The following ZSWIM6 variants were observed in gnomAD, a reference collection of about 807,000 sequenced individuals.
The protein encoded by ZSWIM6 is zinc finger SWIM domain-containing protein 6.
A neutral mutation model predicts 113.2 loss-of-function variants in ZSWIM6; 9 were observed. That is an observed-to-expected ratio of 0.08 (90% confidence interval 0.05 to 0.14). The LOEUF is 0.14. ZSWIM6 is among the 10% of genes least tolerant of loss of function. The pLI, the probability that ZSWIM6 is intolerant of heterozygous loss-of-function variation, is 1.00. For synonymous variants in ZSWIM6, 611 were observed against 606.5 expected, an observed-to-expected ratio of 1.01 and a Z score of -0.11; for missense variants, 1,162 against 1,552.2, an observed-to-expected ratio of 0.75 and a Z score of 4.22.
At chr5:61,542,580 T>G (rs1292995001) in intron 13 of ZSWIM6, among the ~76,000 whole-genome samples, 1 of 152,204 alleles carries the variant, frequency 6.6e-6, no homozygotes, top group Non-Finnish European at 1.5e-5. Flanking sequence ...GGATACATAC[T>G]TCATGCTGAG....
rs1224797431 is a variant in ZSWIM6 at position 61,544,739 on chromosome 5, C to G, written c.*422C>G. 2 of 152,316 alleles carry G rather than the reference C, an allele frequency of 1.3e-5. No homozygotes were observed. The highest frequency in any genetic ancestry group is 4.8e-5 in the African/African-American group (2 of 41,392). 9.4% of individuals were successfully genotyped at this position (152,316 alleles called of 1,614,324 possible). ...TGATAAGTACCTCGAATGGATTCAGCTTTACTCCTTTGTAACTCATCTTTA... is the reference window on the plus strand; with the variant it reads ...TGATAAGTACCTCGAATGGATTCAGGTTTACTCCTTTGTAACTCATCTTTA... On this transcript the variant is annotated 3_prime_UTR_variant, in exon 14 of 14. Transcript: ENST00000252744.
chr5:61,379,066 A>G (rs1290689484), intron 1 of ZSWIM6, among the ~76,000 whole-genome samples: 1 of 151,508 alleles, frequency 6.6e-6, no homozygotes, highest in African/African-American at 2.4e-5. Context: ...CTATAATCCT[A>G]GCTACTCAGG....
intron 9 of ZSWIM6, among the ~76,000 whole-genome samples, chr5:61,534,124 C>G (rs1355536530): frequency 2.0e-5 from 3 of 152,082 alleles, no homozygotes; most frequent in African/African-American, 7.2e-5. Flanking sequence ...CATATTTAGC[C>G]TGTAACAGTT....
intron 1 of ZSWIM6, among the ~76,000 whole-genome samples, chr5:61,427,474 C>T (rs907086472): frequency 3.3e-5 from 5 of 152,112 alleles, no homozygotes; most frequent in Admixed American, 6.5e-5. Flanking sequence ...GAACTTTTCT[C>T]CCCCAGATAT....
intron 1 of ZSWIM6, among the ~76,000 whole-genome samples, chr5:61,384,674 C>T (rs1745558026): frequency 6.6e-6 from 1 of 152,124 alleles, no homozygotes; most frequent in South Asian, 2.1e-4. Context: ...ACTTTTGTGT[C>T]CCCCAAACTG....
chr5:61,534,882 G>T (rs1005408371), intron 9 of ZSWIM6, among the ~76,000 whole-genome samples: 3 of 152,070 alleles, frequency 2.0e-5, no homozygotes, highest in African/African-American at 7.2e-5. Flanking sequence ...CCTATGATGC[G>T]TATGAAATGG....
At chr5:61,462,191 A>G (rs1747335572) in intron 1 of ZSWIM6, among the ~76,000 whole-genome samples, 1 of 152,202 alleles carries the variant, frequency 6.6e-6, no homozygotes, top group Non-Finnish European at 1.5e-5. Flanking sequence ...CAAAACAAGA[A>G]TTACTAGTCT....
chr5:61,378,264 A>G (rs1365373934), intron 1 of ZSWIM6, among the ~76,000 whole-genome samples: 1 of 152,232 alleles, frequency 6.6e-6, no homozygotes, highest in Admixed American at 6.5e-5. Flanking sequence ...AAGACTGGTT[A>G]AATAAAAATT....
rs1202796073 is a variant in ZSWIM6 at position 61,472,333 on chromosome 5, G to C, written c.677-348G>C. 6.6e-6 allele frequency among the ~76,000 whole-genome samples: 1 copy of C among 152,136 alleles called. No homozygotes were observed. Among genetic ancestry groups the C allele is most frequent in the Non-Finnish European group, 1.5e-5 (1 of 68,034 alleles). On this transcript the variant is annotated intron_variant, in intron 1 of 13. Coordinates refer to ENST00000252744, the MANE Select transcript of ZSWIM6 (RefSeq NM_020928.2). The surrounding 1 kb of genome is among the most constrained non-coding windows in gnomAD (Gnocchi z 4.1). ...AACCACTGATCCCACTGATCTAGGG[G>C]ATTATTGTGTTGTATACCACTGATT...
intron 1 of ZSWIM6, among the ~76,000 whole-genome samples, chr5:61,344,539 G>T (rs1188551496): frequency 1.3e-5 from 2 of 152,104 alleles, no homozygotes; most frequent in African/African-American, 2.4e-5. Flanking sequence ...CTTGGGGATG[G>T]GGTGAGGGAA....
At position 61,332,767 on chromosome 5, in the gene ZSWIM6, CGCAACCTCG is replaced by C. The variant is rs1205042180; in HGVS notation, c.498_506del (p.Thr167_Ala169del). 9.3e-4 allele frequency: 689 copies of C among 740,554 alleles called. 9 individuals carry two copies. In the South Asian group the frequency reaches 0.014, roughly 15 times the overall value. 45.9% of individuals were successfully genotyped at this position (740,554 alleles called of 1,614,324 possible). A position where few individuals can be genotyped will look rare whatever the true frequency, so the allele number is the denominator to read the frequency against. ...CTTCCCCGGCCGCAACCTCGGCGGC[CGCAACCTCG>C]GCCGCCGCCGCCGCTGCCGCCGCCG... On this transcript the variant is annotated inframe_deletion, in exon 1 of 14. Coordinates refer to ENST00000252744, the MANE Select transcript of ZSWIM6 (RefSeq NM_020928.2).
intron 1 of ZSWIM6, among the ~76,000 whole-genome samples, chr5:61,395,248 C>G (rs1745813734): frequency 6.6e-6 from 1 of 152,078 alleles, no homozygotes; most frequent in Admixed American, 6.6e-5. Flanking sequence ...GACAACTTAT[C>G]TAGGTGGTCC....
At chr5:61,507,999 G>A (rs1372456745) in intron 4 of ZSWIM6, among the ~76,000 whole-genome samples, 1 of 152,078 alleles carries the variant, frequency 6.6e-6, no homozygotes, top group East Asian at 1.9e-4. Context: ...TGGTTTTAGG[G>A]GAACATGAAT....
chr5:61,458,227 T>G (rs1424052246), intron 1 of ZSWIM6, among the ~76,000 whole-genome samples: 3 of 152,122 alleles, frequency 2.0e-5, no homozygotes, highest in African/African-American at 4.8e-5. Flanking sequence ...AAAAGCATCC[T>G]CAAAAGTATT....
At chr5:61,459,174 A>C (rs1274203643) in intron 1 of ZSWIM6, among the ~76,000 whole-genome samples, 1 of 152,240 alleles carries the variant, frequency 6.6e-6, no homozygotes, top group Non-Finnish European at 1.5e-5. Context: ...ATTTATTTTA[A>C]ATCCTAAAGT....
intron 4 of ZSWIM6, among the ~76,000 whole-genome samples, chr5:61,520,561 T>C (rs1034829148): frequency 6.6e-6 from 1 of 152,192 alleles, no homozygotes; most frequent in Non-Finnish European, 1.5e-5. Flanking sequence ...ATTTTTAAAA[T>C]CAGTTCCTGA....
rs990483498 is a variant in ZSWIM6 at position 61,490,729 on chromosome 5, T to G, written c.1034-57T>G. The G allele has an allele frequency of 1.3e-5, 19 of 1,514,574 alleles. 1 individual carries two copies. The Admixed American group carries it at 4.3e-4, about 34-fold the overall frequency. The allele number at this position is 1,514,574 out of a possible 1,614,324, so 93.8% of individuals were successfully genotyped here. A position where few individuals can be genotyped will look rare whatever the true frequency, so the allele number is the denominator to read the frequency against. ...AGGCAAAAAGAGTCTTAATTAATCC[T>G]TTTAGCACAGAGTTTTTATCTAGCC... On this transcript the variant is annotated intron_variant, in intron 2 of 13. Transcript: ENST00000252744.
At chr5:61,400,275 C>T (rs1745919565) in intron 1 of ZSWIM6, among the ~76,000 whole-genome samples, 1 of 152,136 alleles carries the variant, frequency 6.6e-6, no homozygotes, top group African/African-American at 2.4e-5. Context: ...TATGTCAGTT[C>T]TCTTTCCAGT....
intron 4 of ZSWIM6, among the ~76,000 whole-genome samples, chr5:61,507,287 T>A (rs979967235): frequency 2.0e-5 from 3 of 152,212 alleles, no homozygotes; most frequent in African/African-American, 7.2e-5. Context: ...CAGCTTTTAT[T>A]TTAATTACTG....
Sources: gnomAD v4.1 joint callset for allele counts (sites outside exome capture counted in the v4.1 genomes callset) on GRCh38, gnomAD v4.1.1 for gene constraint, Gnocchi (gnomAD v3.1) non-coding constraint, MANE v1.5 for transcripts, NCBI Gene and HGNC (gene_info 2026-07-23, HGNC 2026-07-21) for gene names.